FGGY: variants seen among roughly 807,000 people sequenced by gnomAD.
FGGY encodes the protein FGGY carbohydrate kinase domain-containing protein.
A neutral mutation model predicts 71.3 loss-of-function variants in FGGY; 72 were observed. The observed-to-expected ratio is 1.01, with a 90% CI of 0.84 to 1.23. The LOEUF is 1.23. Among genes scored for constraint, FGGY ranks in the 50% most tolerant of loss-of-function variants. The probability of loss-of-function intolerance (pLI) is 0.00; values close to 1 mark genes in which losing one functional copy is unlikely to be tolerated. For synonymous variants in FGGY, 251 were observed against 250.3 expected, an observed-to-expected ratio of 1.00 and a Z score of -0.02; for missense variants, 668 against 682.3, an observed-to-expected ratio of 0.98 and a Z score of 0.23.
intron 14 of FGGY, among the ~76,000 whole-genome samples, chr1:59,736,171 A>C (rs1207053587): frequency 6.6e-6 from 1 of 152,122 alleles, no homozygotes; most frequent in East Asian, 1.9e-4. Flanking sequence ...GCCTTCTGCC[A>C]TGATTGTGAG....
intron 1 of FGGY, among the ~76,000 whole-genome samples, chr1:59,307,771 T>G (rs934661930): frequency 7.4e-6 from 1 of 135,332 alleles, no homozygotes; most frequent in African/African-American, 2.8e-5. Context: ...GGAAGAATAG[T>G]GTATTTGACA....
At chr1:59,312,648 T>C (rs1460962472) in intron 1 of FGGY, among the ~76,000 whole-genome samples, 2 of 152,214 alleles carry the variant, frequency 1.3e-5, no homozygotes, top group African/African-American at 4.8e-5. Context: ...GGGGATGTCA[T>C]TTGATGAGTC....
intron 12 of FGGY, chr1:59,660,502 G>T (rs1481970441): frequency 2.5e-6 from 1 of 403,606 alleles, no homozygotes; most frequent in Non-Finnish European, 4.4e-6. Context: ...ACAAAAAGCT[G>T]AAAGGAGTTA....
At chr1:59,731,701 C>T (rs2098032098) in intron 14 of FGGY, among the ~76,000 whole-genome samples, 2 of 152,068 alleles carry the variant, frequency 1.3e-5, no homozygotes, top group African/African-American at 4.8e-5. Flanking sequence ...TCTGGTCATT[C>T]CTCCAGCATA....
At chr1:59,651,948 G>A (rs577720883) in intron 11 of FGGY, among the ~76,000 whole-genome samples, 28 of 151,528 alleles carry the variant, frequency 1.8e-4, no homozygotes, top group Non-Finnish European at 3.4e-4. Flanking sequence ...GGCAGGCCTG[G>A]TGGTGACAAA....
chr1:59,513,914 C>T (rs1470346914), intron 7 of FGGY, among the ~76,000 whole-genome samples: 3 of 152,196 alleles, frequency 2.0e-5, no homozygotes, highest in Admixed American at 2.0e-4. Context: ...ACATGTCTGT[C>T]CTGTTCATCT....
chr1:59,624,181 C>T (rs1352337479), intron 9 of FGGY, among the ~76,000 whole-genome samples: 1 of 151,770 alleles, frequency 6.6e-6, no homozygotes, highest in Non-Finnish European at 1.5e-5. Flanking sequence ...GAAACATTTC[C>T]ACAAAAACTG....
At chr1:59,462,180 C>G (rs1158511364) in intron 6 of FGGY, among the ~76,000 whole-genome samples, 3 of 152,104 alleles carry the variant, frequency 2.0e-5, no homozygotes, top group African/African-American at 7.2e-5. Flanking sequence ...TGATCTTTGA[C>G]AAACCTGAGA....
chr1:59,732,617 A>G (rs897020806), intron 14 of FGGY, among the ~76,000 whole-genome samples: 17 of 151,684 alleles, frequency 1.1e-4, no homozygotes, highest in Non-Finnish European at 2.4e-4. Context: ...CTGCTGAGAG[A>G]AAAGGGGGGT....
intron 6 of FGGY, among the ~76,000 whole-genome samples, chr1:59,492,369 A>G (rs2093892612): frequency 1.3e-5 from 2 of 152,204 alleles, no homozygotes; most frequent in South Asian, 4.1e-4. Context: ...CTATACATGC[A>G]TAAGGCTTAT....
intron 5 of FGGY, among the ~76,000 whole-genome samples, chr1:59,411,397 G>A (rs1194903387): frequency 1.3e-5 from 2 of 152,214 alleles, no homozygotes; most frequent in Admixed American, 6.5e-5. Context: ...ATTTGTTAAG[G>A]TTGTGTCTTC....
Position 59,762,708 on chromosome 1 carries a change from A to G in FGGY, c.*124A>G, listed in dbSNP as rs1210065818. The stretch of plus-strand genomic sequence containing the variant: ...ATTTCTGTATTGTCTTTCAATAAAG[A>G]AAACAAACATGTGCAACCAGAATTA... On this transcript the variant is annotated 3_prime_UTR_variant, in exon 16 of 16. Coordinates refer to ENST00000303721, the MANE Select transcript of FGGY (RefSeq NM_018291.5). 9.9e-6 allele frequency: 7 copies of G among 704,528 alleles called. 1 individual carries two copies. Among genetic ancestry groups the G allele is most frequent in the South Asian group, 5.6e-5 (3 of 53,808 alleles). The allele number at this position is 704,528 out of a possible 1,614,324, so 43.6% of individuals were successfully genotyped here.
intron 6 of FGGY, among the ~76,000 whole-genome samples, chr1:59,469,622 T>C (rs566093010): frequency 2.4e-4 from 36 of 152,094 alleles, no homozygotes; most frequent in Non-Finnish European, 5.0e-4. Context: ...AGTTCAAGGG[T>C]AGAAGTGCAG....
At chr1:59,442,527 C>G (rs1293740616) in intron 5 of FGGY, among the ~76,000 whole-genome samples, 1 of 152,162 alleles carries the variant, frequency 6.6e-6, no homozygotes, top group East Asian at 1.9e-4. Context: ...ACGAAATCTT[C>G]AGGTCTGTAC....
rs1190289974 is a variant in FGGY at position 59,340,010 on chromosome 1, C to T, written c.254C>T (p.Ala85Val). ...LNQIRGLGFD[A>V]TCSLVVLDKQ... The stretch of plus-strand genomic sequence containing the variant: ...CAAATTCGAGGACTTGGGTTTGATG[C>T]CACGTGTTCTCTGGTTGTTTTGGAT... The change falls in exon 3 of 16, where the codon GCC becomes GTC. Residue 85 changes from alanine (A) to valine (V), a missense_variant. By Grantham distance (64) the Ala-to-Val change is moderately conservative (BLOSUM62 0). This residue lies in a region of FGGY where 661 missense variants were observed against 661.6 expected (regional missense o/e 1.00). Coordinates refer to ENST00000303721, the MANE Select transcript of FGGY (RefSeq NM_018291.5). 8 of 1,613,324 alleles carry T rather than the reference C, an allele frequency of 5.0e-6. No homozygotes were observed. Among genetic ancestry groups the T allele is most frequent in the Non-Finnish European group, 6.8e-6 (8 of 1,179,580 alleles).
At chr1:59,702,153 C>T (rs112851724) in intron 14 of FGGY, among the ~76,000 whole-genome samples, 3 of 152,196 alleles carry the variant, frequency 2.0e-5, no homozygotes, top group African/African-American at 7.2e-5. Context: ...ATGAGAACAG[C>T]ATGGTGGAAA....
intron 12 of FGGY, among the ~76,000 whole-genome samples, chr1:59,661,428 C>A (rs1451962892): frequency 6.6e-6 from 1 of 152,158 alleles, no homozygotes; most frequent in Non-Finnish European, 1.5e-5. Flanking sequence ...TTAGATTCTA[C>A]ACTAGTTTTA....
At chr1:59,574,690 T>G (rs2096049402) in intron 8 of FGGY, among the ~76,000 whole-genome samples, 1 of 152,224 alleles carries the variant, frequency 6.6e-6, no homozygotes, top group South Asian at 2.1e-4. Flanking sequence ...TTCTGTTTAG[T>G]GATTTTTCAT....
intron 11 of FGGY, among the ~76,000 whole-genome samples, chr1:59,648,940 A>G (rs1206054149): frequency 3.3e-5 from 5 of 151,676 alleles, no homozygotes; most frequent in Non-Finnish European, 5.9e-5. Context: ...GGTGTAAGGA[A>G]GGGATCCAGT....
Sources: allele counts gnomAD v4.1 joint callset (sites outside exome capture counted in the v4.1 genomes callset), GRCh38; gene constraint gnomAD v4.1.1; regional missense constraint gnomAD v4.1.1; transcripts MANE v1.5; gene names NCBI Gene and HGNC (gene_info 2026-07-23, HGNC 2026-07-21).